The following PDE1A variants were observed in gnomAD, a reference collection of about 807,000 sequenced individuals.
PDE1A encodes the protein dual specificity calcium/calmodulin-dependent 3',5'-cyclic nucleotide phosphodiesterase 1A.
PDE1A carries 35 observed loss-of-function variants against 61.7 expected under a neutral mutation model. The observed-to-expected ratio is 0.57, with a 90% CI of 0.43 to 0.75. The LOEUF is 0.75. Ranked by LOEUF, PDE1A falls within the 30% of genes least tolerant of loss-of-function variation. PDE1A has a pLI of 0.00. For missense variants in PDE1A, 597 were observed against 630.6 expected (o/e 0.95, Z 0.57); for synonymous variants, 232 against 213.2 (o/e 1.09, Z -0.77).
intron 11 of PDE1A, among the ~76,000 whole-genome samples, chr2:182,188,440 A>G (rs1419733994): frequency 6.6e-6 from 1 of 152,208 alleles, no homozygotes; most frequent in African/African-American, 2.4e-5. Flanking sequence ...TGTTTTAATA[A>G]TGGACTGGAC....
At chr2:182,610,293 A>T in the PDE1A span, among the ~76,000 whole-genome samples, 1 of 152,208 alleles carries the variant, frequency 6.6e-6, no homozygotes, top group Admixed American at 6.5e-5. Context: ...TTCCTTCTGA[A>T]GTCTCTTTTG....
At chr2:182,304,927 T>C (rs1212368862) in intron 1 of PDE1A, among the ~76,000 whole-genome samples, 1 of 152,214 alleles carries the variant, frequency 6.6e-6, no homozygotes. Context: ...ATAGACTTGC[T>C]TGATGCAGGC....
At chr2:182,191,389 A>G (rs907673247) in intron 10 of PDE1A, among the ~76,000 whole-genome samples, 16 of 152,276 alleles carry the variant, frequency 1.1e-4, no homozygotes, top group African/African-American at 3.4e-4. Context: ...ATTTATGTTA[A>G]AATATAAATA....
the PDE1A span, among the ~76,000 whole-genome samples, chr2:182,713,500 A>G: frequency 6.6e-6 from 1 of 152,326 alleles, no homozygotes; most frequent in South Asian, 2.1e-4. Flanking sequence ...GTGTGGTGGC[A>G]TGTGCCTGTA....
chr2:182,236,583 T>G (rs1232572890), intron 3 of PDE1A, among the ~76,000 whole-genome samples: 2 of 152,224 alleles, frequency 1.3e-5, no homozygotes, highest in Non-Finnish European at 2.9e-5. Context: ...CTCACTGCTG[T>G]GTGACCTTTG....
upstream of PDE1A, among the ~76,000 whole-genome samples, chr2:182,527,179 T>G (rs886416429): frequency 6.7e-6 from 1 of 149,256 alleles, no homozygotes; most frequent in African/African-American, 2.5e-5. Context: ...AAGAAAAATA[T>G]GAAGAGGCTG....
At chr2:182,432,591 A>G (rs1353152770) in intron 2 of PDE1A, among the ~76,000 whole-genome samples, 1 of 152,122 alleles carries the variant, frequency 6.6e-6, no homozygotes, top group East Asian at 1.9e-4. Context: ...GAATGAATAC[A>G]TGAACAAAGT....
At chr2:182,697,204 C>T in the PDE1A span, among the ~76,000 whole-genome samples, 1 of 152,080 alleles carries the variant, frequency 6.6e-6, no homozygotes, top group East Asian at 1.9e-4. Flanking sequence ...AGGTGGGGCT[C>T]ATGAAGGCAG....
intron 1 of PDE1A, among the ~76,000 whole-genome samples, chr2:182,377,059 C>T (rs1375641210): frequency 6.6e-6 from 1 of 152,054 alleles, no homozygotes; most frequent in Non-Finnish European, 1.5e-5. Flanking sequence ...GGACATAGAG[C>T]CAAACCATAT....
chr2:182,211,378 G>C (rs993418525), intron 7 of PDE1A, among the ~76,000 whole-genome samples: 1 of 152,040 alleles, frequency 6.6e-6, no homozygotes, highest in African/African-American at 2.4e-5. Context: ...TGATCTATTT[G>C]TCTGTCCTTT....
At chr2:182,522,566 C>T in intron 1 of PDE1A, 4 of 1,393,254 alleles carry the variant, frequency 2.9e-6, no homozygotes, top group East Asian at 5.2e-5. Flanking sequence ...ATCCACTGCT[C>T]ACCACCTCAC....
intron 7 of PDE1A, 66 bp from the exon 8 acceptor site, chr2:182,206,131 T>G: frequency 7.6e-7 from 1 of 1,322,734 alleles, no homozygotes; most frequent in African/African-American, 1.5e-5. Context: ...CTAATAAGAC[T>G]TACTCAAGTA....
At chr2:182,674,527 A>ATGCAGGGCC in the PDE1A span, among the ~76,000 whole-genome samples, 1 of 152,050 alleles carries the variant, frequency 6.6e-6, no homozygotes, top group Non-Finnish European at 1.5e-5. Context: ...GCCTAGGACA[A>ATGCAGGGCC]AATAAAATTA....
At chr2:182,492,876 T>C (rs1190176858) in intron 2 of PDE1A, among the ~76,000 whole-genome samples, 4 of 152,182 alleles carry the variant, frequency 2.6e-5, no homozygotes, top group Non-Finnish European at 5.9e-5. Context: ...TACTAAAAAG[T>C]CATTGGCACT....
the PDE1A span, among the ~76,000 whole-genome samples, chr2:182,552,477 CTCTGTCA>C: frequency 8.4e-6 from 1 of 119,744 alleles, no homozygotes; most frequent in Admixed American, 8.6e-5. Flanking sequence ...CAGAGTGTCG[CTCTGTCA>C]CCCAGGCTGG....
chr2:182,393,569 T>C (rs1478547221), intron 1 of PDE1A, among the ~76,000 whole-genome samples: 2 of 152,220 alleles, frequency 1.3e-5, no homozygotes, highest in Non-Finnish European at 2.9e-5. Context: ...TCCTATTGCA[T>C]CAGACTGCAA....
chr2:182,258,584 A>G (rs1691997777), intron 2 of PDE1A, among the ~76,000 whole-genome samples: 1 of 152,216 alleles, frequency 6.6e-6, no homozygotes, highest in Non-Finnish European at 1.5e-5. Context: ...AAATGGCACT[A>G]TATTTCTGAG....
At chr2:182,426,496 G>T in intron 1 of PDE1A, 82 bp downstream of exon 1, 1 of 984,926 alleles carries the variant, frequency 1.0e-6, no homozygotes, top group Non-Finnish European at 1.6e-6. Context: ...TAGCTTAGTG[G>T]CAGAATCCCC....
chr2:182,576,502 T>C, the PDE1A span, among the ~76,000 whole-genome samples: 1 of 152,212 alleles, frequency 6.6e-6, no homozygotes, highest in Non-Finnish European at 1.5e-5. Flanking sequence ...TTTCTGGCTA[T>C]TGTGAATATT....
Sources: allele counts gnomAD v4.1 joint callset (sites outside exome capture counted in the v4.1 genomes callset), GRCh38; gene constraint gnomAD v4.1.1; transcripts MANE v1.5; gene names NCBI Gene and HGNC (gene_info 2026-07-23, HGNC 2026-07-21).